Variants in MYLK observed in about 807,000 individuals in gnomAD.
MYLK encodes myosin light chain kinase, smooth muscle.
Under a neutral mutation model 203.4 loss-of-function variants are expected in MYLK, and 106 were observed. The ratio of observed to expected loss-of-function variants is 0.52; its 90% CI spans 0.45 to 0.61. MYLK has a LOEUF of 0.61. MYLK is among the 20% of genes least tolerant of loss of function. The pLI, the probability that MYLK is intolerant of heterozygous loss-of-function variation, is 0.00. For synonymous variants in MYLK, 867 were observed against 959.5 expected (o/e 0.90, Z 1.78); for missense variants, 2,072 against 2,442.3 (o/e 0.85, Z 3.20).
chr3:123,770,919 C>T (rs560017315), intron 4 of MYLK, among the ~76,000 whole-genome samples: 5 of 152,300 alleles, frequency 3.3e-5, no homozygotes, highest in African/African-American at 7.2e-5. Flanking sequence ...GGTAGATCCC[C>T]GTCCCCAGAA....
intron 1 of MYLK, among the ~76,000 whole-genome samples, chr3:123,877,631 A>G (rs2033243041): frequency 6.6e-6 from 1 of 152,196 alleles, no homozygotes; most frequent in South Asian, 2.1e-4. Context: ...ACCATGAGTG[A>G]CTATTGGAAA....
Position 123,831,671 on chromosome 3 carries a change from CTGGG to C in MYLK, c.-126-5_-126-2del. On this transcript the variant is annotated splice_acceptor_variant and splice_polypyrimidine_tract_variant and intron_variant, in intron 2 of 33. Transcript: ENST00000360304. LOFTEE classifies it low-confidence loss of function (5UTR_SPLICE). Reference sequence around the variant, plus strand: ...TGCAGCAGAGGCAGCCGGGAGCCACCTGGGTGGGTGGGAAGGAGGAAAGGAAAGC... The same window carrying C: ...TGCAGCAGAGGCAGCCGGGAGCCACCTGGGTGGGAAGGAGGAAAGGAAAGC... 1 of 244,154 alleles carries C rather than the reference CTGGG, an allele frequency of 4.1e-6. No individual in the cohort carries two copies. Among genetic ancestry groups the C allele is most frequent in the Non-Finnish European group, 8.5e-6 (1 of 118,068 alleles). 15.1% of individuals were successfully genotyped at this position (244,154 alleles called of 1,614,324 possible). A position where few individuals can be genotyped will look rare whatever the true frequency, so the allele number is the denominator to read the frequency against.
At chr3:123,658,233 T>C (rs2059451937) in intron 23 of MYLK, among the ~76,000 whole-genome samples, 1 of 152,222 alleles carries the variant, frequency 6.6e-6, no homozygotes, top group Non-Finnish European at 1.5e-5. Context: ...CAAACCACAA[T>C]AGCAAATCAC....
Position 123,614,168 on chromosome 3 carries a change from T to C in MYLK, c.5682A>G (p.Thr1894=). The part of the protein sequence containing the change: ...AVNSLGEATC[T]AELIVETMEE... ...CCATCGTTTCCACAATGAGCTCTGC[T>C]GTGCAGGTGGCTTCTCCAAGACTGT... Residue 1894 remains threonine (T), a synonymous_variant, in exon 34 of 34, where the codon ACA becomes ACG. Transcript: ENST00000360304. The C allele has an allele frequency of 6.2e-7, 1 of 1,614,162 alleles. No individual in the cohort carries two copies. Among genetic ancestry groups the C allele is most frequent in the Non-Finnish European group, 8.5e-7 (1 of 1,180,022 alleles).
chr3:123,758,736 A>T (rs1189120364), intron 4 of MYLK, among the ~76,000 whole-genome samples: 2 of 152,212 alleles, frequency 1.3e-5, no homozygotes, highest in Non-Finnish European at 2.9e-5. Flanking sequence ...CCTTATCAAC[A>T]CATGCAACTT....
intron 29 of MYLK, among the ~76,000 whole-genome samples, chr3:123,636,304 C>T (rs1393746629): frequency 6.6e-6 from 1 of 152,252 alleles, no homozygotes; most frequent in Non-Finnish European, 1.5e-5. Context: ...TCCTTGGCCC[C>T]TGTCACCTCA....
At chr3:123,699,980 T>C in intron 18 of MYLK, 40 bp downstream of exon 18, 2 of 1,613,944 alleles carry the variant, frequency 1.2e-6, no homozygotes, top group South Asian at 1.1e-5. Context: ...GTGGCCCTGG[T>C]ACAGAGGCCC....
At chr3:123,670,021 C>T (rs1228192362) in intron 20 of MYLK, among the ~76,000 whole-genome samples, 9 of 116,812 alleles carry the variant, frequency 7.7e-5, no homozygotes, top group Admixed American at 3.5e-4. Flanking sequence ...GGTGACAGAG[C>T]GAGACTCCAT....
At chr3:123,641,234 G>A (rs1001678221) in intron 27 of MYLK, among the ~76,000 whole-genome samples, 2 of 152,174 alleles carry the variant, frequency 1.3e-5, no homozygotes, top group Non-Finnish European at 2.9e-5. Flanking sequence ...GCTAGGGACT[G>A]CCCCGGGGTC....
chr3:123,696,692 T>C (rs1449510650), intron 18 of MYLK, among the ~76,000 whole-genome samples: 1 of 152,308 alleles, frequency 6.6e-6, no homozygotes, highest in South Asian at 2.1e-4. Flanking sequence ...CTGACTGTGG[T>C]TGTGGCTACT....
intron 28 of MYLK, among the ~76,000 whole-genome samples, chr3:123,639,753 C>T (rs2058767787): frequency 6.6e-6 from 1 of 152,158 alleles, no homozygotes; most frequent in Admixed American, 6.5e-5. Flanking sequence ...ACAGTGGGAC[C>T]TCCTGGGCAA....
chr3:123,629,790 G>T lies in MYLK; in HGVS notation c.4962-164C>A. The T allele has an allele frequency of 1.4e-6, 1 of 705,990 alleles. No homozygotes were observed. The highest frequency in any genetic ancestry group is 2.4e-6 in the Non-Finnish European group (1 of 418,054). The allele number at this position is 705,990 out of a possible 1,614,324, so 43.7% of individuals were successfully genotyped here. A position where few individuals can be genotyped will look rare whatever the true frequency, so the allele number is the denominator to read the frequency against. On this transcript the variant is annotated intron_variant, in intron 29 of 33. Coordinates refer to ENST00000360304, the MANE Select transcript of MYLK (RefSeq NM_053025.4). The surrounding 1 kb of genome is among the most constrained non-coding windows in gnomAD (Gnocchi z 4.4). ...TTCTTCCACTTGTGGAAAGAAAAGA[G>T]GGTGTGGTTCACAGCCCTGTCTTTT...
At chr3:123,775,585 G>GTC (rs1176194269) in intron 4 of MYLK, among the ~76,000 whole-genome samples, 2 of 152,152 alleles carry the variant, frequency 1.3e-5, no homozygotes, top group Non-Finnish European at 2.9e-5. Flanking sequence ...AAGGCTCCTA[G>GTC]TCTGGAGCCC....
At chr3:123,711,568 T>C (rs573090549) in intron 13 of MYLK, among the ~76,000 whole-genome samples, 2 of 152,286 alleles carry the variant, frequency 1.3e-5, no homozygotes, top group South Asian at 4.1e-4. Flanking sequence ...GGCCCTGCCA[T>C]CCACGTCTCA....
intron 20 of MYLK, among the ~76,000 whole-genome samples, chr3:123,677,056 C>T (rs956196446): frequency 6.6e-6 from 1 of 152,090 alleles, no homozygotes; most frequent in Non-Finnish European, 1.5e-5. Flanking sequence ...ATTTGGGCCC[C>T]CTCCAGCTGG....
intron 4 of MYLK, among the ~76,000 whole-genome samples, chr3:123,764,094 T>C (rs1430552450): frequency 6.6e-6 from 1 of 152,244 alleles, no homozygotes; most frequent in East Asian, 1.9e-4. Flanking sequence ...TTTTTCAGTT[T>C]CTCAAAATTG....
intron 4 of MYLK, among the ~76,000 whole-genome samples, chr3:123,783,936 G>A (rs1359498462): frequency 6.6e-6 from 1 of 152,096 alleles, no homozygotes; most frequent in Non-Finnish European, 1.5e-5. Flanking sequence ...ATCTTTTATT[G>A]GACATTTATA....
chr3:123,768,556 C>T (rs902897993), intron 4 of MYLK, among the ~76,000 whole-genome samples: 1 of 152,182 alleles, frequency 6.6e-6, no homozygotes, highest in African/African-American at 2.4e-5. Flanking sequence ...CCACAGTGGG[C>T]CTAGTTCTCT....
chr3:123,654,396 C>T (rs1004706755), intron 24 of MYLK, among the ~76,000 whole-genome samples: 1 of 152,144 alleles, frequency 6.6e-6, no homozygotes, highest in Non-Finnish European at 1.5e-5. Context: ...AGTTTCCATA[C>T]TCACGATGGC....
Sources: allele counts gnomAD v4.1 joint callset (sites outside exome capture counted in the v4.1 genomes callset), GRCh38; gene constraint gnomAD v4.1.1; non-coding constraint Gnocchi (gnomAD v3.1); transcripts MANE v1.5; gene names NCBI Gene and HGNC (gene_info 2026-07-23, HGNC 2026-07-21).